FBXO34: variants seen among roughly 807,000 people sequenced by gnomAD.
The protein encoded by FBXO34 is F-box only protein 34.
FBXO34 carries 12 observed loss-of-function variants against 24.5 expected under a neutral mutation model. The ratio of observed to expected loss-of-function variants is 0.49; its 90% CI spans 0.31 to 0.79. The LOEUF is 0.79. Ranked by LOEUF, FBXO34 falls within the 30% of genes least tolerant of loss-of-function variation. FBXO34 has a pLI of 0.04. For missense variants in FBXO34, 823 were observed against 857.7 expected, an observed-to-expected ratio of 0.96 and a Z score of 0.51; for synonymous variants, 320 against 311.9, an observed-to-expected ratio of 1.03 and a Z score of -0.27.
chr14:55,432,032 C>T, the FBXO34 span, among the ~76,000 whole-genome samples: 4 of 152,004 alleles, frequency 2.6e-5, no homozygotes, highest in African/African-American at 9.7e-5. Context: ...GCACAAATGC[C>T]TTAAGGGCAA....
At chr14:55,320,615 G>A (rs1015160230) in intron 1 of FBXO34, among the ~76,000 whole-genome samples, 8 of 152,206 alleles carry the variant, frequency 5.3e-5, no homozygotes, top group South Asian at 2.1e-4. Flanking sequence ...AAAATTAGCC[G>A]GGTGTGGTAG....
At chr14:55,290,328 G>T (rs1030230432) in intron 1 of FBXO34, among the ~76,000 whole-genome samples, 1 of 151,800 alleles carries the variant, frequency 6.6e-6, no homozygotes, top group African/African-American at 2.4e-5. Flanking sequence ...GGAGGTGGAG[G>T]TTGCAGTGAG....
At chr14:55,403,329 C>T in the FBXO34 span, among the ~76,000 whole-genome samples, 4 of 152,190 alleles carry the variant, frequency 2.6e-5, no homozygotes, top group South Asian at 8.3e-4. Context: ...ACTATAGAAT[C>T]AGACCACAAA....
intron 1 of FBXO34, among the ~76,000 whole-genome samples, chr14:55,337,326 C>T (rs1427372117): frequency 1.3e-5 from 2 of 152,168 alleles, no homozygotes; most frequent in African/African-American, 4.8e-5. Context: ...TAGCATTTCT[C>T]ATTCTATGGA....
At position 55,353,111 on chromosome 14, in the gene FBXO34, G is replaced by A. The variant is rs1397625463; in HGVS notation, c.*585G>A. 6.0e-6 allele frequency: 1 copy of A among 167,490 alleles called. No individual in the cohort carries two copies. The highest frequency in any genetic ancestry group is 2.4e-5 in the African/African-American group (1 of 41,382). 10.4% of individuals were successfully genotyped at this position (167,490 alleles called of 1,614,324 possible). ...TGTATATAATGGTTGTGTTTTCATG[G>A]GGCTATGAAAGTGCACGTTAAACCT... On this transcript the variant is annotated 3_prime_UTR_variant, in exon 2 of 2. Coordinates refer to ENST00000313833, the MANE Select transcript of FBXO34 (RefSeq NM_017943.4).
chr14:55,294,251 C>T (rs1401860523), intron 1 of FBXO34, among the ~76,000 whole-genome samples: 1 of 152,094 alleles, frequency 6.6e-6, no homozygotes, highest in Non-Finnish European at 1.5e-5. Flanking sequence ...AGGGCTTTGT[C>T]TATTTGTTCA....
At chr14:55,433,572 C>T in the FBXO34 span, 14 of 1,505,982 alleles carry the variant, frequency 9.3e-6, no homozygotes, top group East Asian at 2.9e-4. Context: ...TTCTATGCTT[C>T]CTTGTTTTAC....
rs377022043 is a variant in FBXO34, at chr14:55,298,584, G to A, written c.-11+27047G>A. 411 of 805,968 alleles carry A rather than the reference G, an allele frequency of 5.1e-4. 1 individual carries two copies. In the African/African-American group the frequency reaches 5.9e-3, roughly 12 times the overall value. The allele number at this position is 805,968 out of a possible 1,614,324, so 49.9% of individuals were successfully genotyped here. A position where few individuals can be genotyped will look rare whatever the true frequency, so the allele number is the denominator to read the frequency against. ...AAAGCAAATTTGGCAGGGTGGAGGC[G>A]GAGGAGGGCGGGCGCCGGAGCCCAG... On this transcript the variant is annotated intron_variant, in intron 1 of 1. Coordinates refer to ENST00000313833, the MANE Select transcript of FBXO34 (RefSeq NM_017943.4).
At chr14:55,438,331 A>C in the FBXO34 span, among the ~76,000 whole-genome samples, 1 of 152,160 alleles carries the variant, frequency 6.6e-6, no homozygotes, top group Non-Finnish European at 1.5e-5. Flanking sequence ...AAACAAAATC[A>C]AGCTATTCTC....
intron 1 of FBXO34, among the ~76,000 whole-genome samples, chr14:55,324,902 C>T (rs1204839554): frequency 6.6e-6 from 1 of 152,138 alleles, no homozygotes; most frequent in Non-Finnish European, 1.5e-5. Flanking sequence ...CAGATCAAGG[C>T]AGCAGCAGAT....
intron 1 of FBXO34, among the ~76,000 whole-genome samples, chr14:55,320,349 A>T (rs72715794): frequency 1.3e-5 from 2 of 152,208 alleles, no homozygotes; most frequent in Non-Finnish European, 2.9e-5. Flanking sequence ...CTCAGCCTAG[A>T]TGGGAAAGTG....
At chr14:55,390,776 G>A in the FBXO34 span, 1 of 640,106 alleles carries the variant, frequency 1.6e-6, no homozygotes, top group South Asian at 1.8e-5. Context: ...GGAAAGATGA[G>A]GGCGAGTAGT....
chr14:55,316,413 C>T (rs1428991246), intron 1 of FBXO34, among the ~76,000 whole-genome samples: 1 of 151,000 alleles, frequency 6.6e-6, no homozygotes, highest in Non-Finnish European at 1.5e-5. Flanking sequence ...ATGGTGAAAC[C>T]CTGTCTCTAC....
chr14:55,331,664 G>GGT lies in FBXO34; in HGVS notation c.-10-18710_-10-18709dup, dbSNP rs1346954796. On this transcript the variant is annotated intron_variant, in intron 1 of 1. Transcript: ENST00000313833. ...TATAAAAATATATATATACCAACAT[G>GGT]GTGTGTGTATATATATATATGTGTA... 2.8e-4 allele frequency among the ~76,000 whole-genome samples: 19 copies of GGT among 67,076 alleles called. 2 individuals are homozygous for GGT. The highest frequency in any genetic ancestry group is 1.1e-3 in the African/African-American group (12 of 10,822). The allele number at this position is 67,076 out of a possible 152,430, so 44.0% of individuals were successfully genotyped here.
the FBXO34 span, chr14:55,411,487 C>T: frequency 4.9e-6 from 5 of 1,027,666 alleles, no homozygotes; most frequent in Non-Finnish European, 7.0e-6. Context: ...CCCTCTCTCT[C>T]GCTCCTCTCG....
At chr14:55,331,717 GTATATATATA>G (rs1222853863) in intron 1 of FBXO34, among the ~76,000 whole-genome samples, 1 of 30,632 alleles carries the variant, frequency 3.3e-5, no homozygotes, top group African/African-American at 4.4e-4. Flanking sequence ...ATATATATAT[GTATATATATA>G]TGTATATATA....
At chr14:55,356,052 T>A (rs1279441762), downstream of FBXO34, among the ~76,000 whole-genome samples, 1 of 152,138 alleles carries the variant, frequency 6.6e-6, no homozygotes, top group Non-Finnish European at 1.5e-5. Context: ...CAGTAGTAGC[T>A]CCCCTAGCAG....
rs889911386 is a variant in FBXO34 at position 55,351,062 on chromosome 14, C to T, written c.672C>T (p.Ser224=). 63 of 1,614,066 alleles carry T rather than the reference C, an allele frequency of 3.9e-5. No individual in the cohort carries two copies. The highest frequency in any genetic ancestry group is 5.3e-5 in the African/African-American group (4 of 74,920). Reference sequence around the variant, plus strand: ...AAAGAGCCAGTGCTCTGCTAGCTAGCTGTTCAAAAAACTGCACAAACTCAC... The same window carrying T: ...AAAGAGCCAGTGCTCTGCTAGCTAGTTGTTCAAAAAACTGCACAAACTCAC... ...LEQRASALLA[S]CSKNCTNSPA... is the part of the protein sequence containing the mutation. The change falls in exon 2 of 2, where the codon AGC becomes AGT. Residue 224 remains serine (S), a synonymous_variant. Transcript: ENST00000313833.
intron 3 of FBXO34, among the ~76,000 whole-genome samples, chr14:55,360,796 G>C (rs1474272881): frequency 6.6e-6 from 1 of 152,018 alleles, no homozygotes; most frequent in Non-Finnish European, 1.5e-5. Flanking sequence ...TCAGGAGTTT[G>C]AGACCAGCTT....
Sources: allele counts gnomAD v4.1 joint callset (sites outside exome capture counted in the v4.1 genomes callset), GRCh38; gene constraint gnomAD v4.1.1; transcripts MANE v1.5; gene names NCBI Gene and HGNC (gene_info 2026-07-23, HGNC 2026-07-21).